Variants in PKHD1 observed in about 807,000 individuals in gnomAD.
The protein encoded by PKHD1 is fibrocystin.
Under a neutral mutation model 412.0 loss-of-function variants are expected in PKHD1, and 291 were observed. The ratio of observed to expected loss-of-function variants is 0.71; its 90% CI spans 0.64 to 0.78. PKHD1 has a LOEUF of 0.78. Ranked by LOEUF, PKHD1 falls within the 30% of genes least tolerant of loss-of-function variation. The pLI is 0.00. For synonymous variants in PKHD1, 1,777 were observed against 1,821.5 expected, an observed-to-expected ratio of 0.98 and a Z score of 0.62; for missense variants, 4,825 against 4,950.7, an observed-to-expected ratio of 0.97 and a Z score of 0.76.
At chr6:52,073,432 T>C (rs375603299) in intron 7 of PKHD1, 31 bp downstream of exon 7, 17 of 1,346,412 alleles carry the variant, frequency 1.3e-5, no homozygotes, top group East Asian at 4.6e-5. Flanking sequence ...TGTATGTAAC[T>C]AGTTAAACAC....
chr6:52,010,421 C>G lies in PKHD1; in HGVS notation c.5639G>C (p.Ser1880Thr). The G allele has an allele frequency of 6.2e-7, 1 of 1,608,926 alleles. No homozygotes were observed. Among genetic ancestry groups the G allele is most frequent in the Non-Finnish European group, 8.5e-7 (1 of 1,175,400 alleles). The change falls in exon 35 of 67, where the codon AGC becomes ACC. Residue 1880 changes from serine to threonine, a missense_variant. Physicochemically the swap from Ser to Thr is moderately conservative, Grantham distance 58. Transcript: ENST00000371117. ...LERDEVLIYN[S>T]SCNITMETEA... Reference sequence around the variant, plus strand: ...AGTTTCCATGGTAATGTTACAGGAGCTATTATAGATGAGAACTTCATCTCT... The same window carrying G: ...AGTTTCCATGGTAATGTTACAGGAGGTATTATAGATGAGAACTTCATCTCT...
At chr6:52,073,589 A>G (rs1484830458) in intron 6 of PKHD1, 48 bp from the exon 7 acceptor site, 4 of 1,058,266 alleles carry the variant, frequency 3.8e-6, no homozygotes, top group Non-Finnish European at 5.9e-6. Flanking sequence ...GCTCAAACTC[A>G]ATGTATAATA....
Position 52,026,046 on chromosome 6 carries a change from G to A in PKHD1, c.3764C>T (p.Pro1255Leu). The change falls in exon 32 of 67, where the codon CCC becomes CTC. Residue 1255 changes from proline to leucine, a missense_variant. Pro to Leu is a moderately conservative substitution (Grantham distance 98, BLOSUM62 -3). Coordinates refer to ENST00000371117, the MANE Select transcript of PKHD1 (RefSeq NM_138694.4). ...ASIWCETLPA[P>L]QIPDAGAPTV... is the part of the protein sequence containing the mutation. ...GGGAGCGCCCGCATCGGGTATCTGG[G>A]GGGCTGGCAGGGTTTCACACCAGAT... is the stretch of plus-strand genomic sequence containing the variant. 1.2e-6 allele frequency: 2 copies of A among 1,614,132 alleles called. No individual in the cohort carries two copies. The highest frequency in any genetic ancestry group is 1.7e-6 in the Non-Finnish European group (2 of 1,180,032).
chr6:51,641,891 G>A (rs1769410412), intron 63 of PKHD1, among the ~76,000 whole-genome samples: 2 of 152,126 alleles, frequency 1.3e-5, no homozygotes, highest in South Asian at 4.1e-4. Context: ...ACTAGGGCCT[G>A]TCAGGGAGTG....
At chr6:51,847,184 C>T (rs9357710) in intron 50 of PKHD1, among the ~76,000 whole-genome samples, 57,394 of 151,418 alleles carry the variant, frequency 0.38, 12,022 homozygotes, top group East Asian at 0.85. Flanking sequence ...TGATATCAAA[C>T]TCCTGGCCTC....
At chr6:51,696,978 C>A (rs1014323957) in intron 60 of PKHD1, among the ~76,000 whole-genome samples, 19 of 152,220 alleles carry the variant, frequency 1.2e-4, no homozygotes, top group African/African-American at 4.6e-4. Flanking sequence ...CACTTGAGGG[C>A]AAGAGTTTGA....
chr6:51,948,816 A>G (rs1266912), intron 36 of PKHD1, among the ~76,000 whole-genome samples: 107,011 of 152,028 alleles, frequency 0.7, 38,181 homozygotes, highest in East Asian at 0.94. Context: ...TCTTGAGAGC[A>G]GATCAAAGAA....
intron 43 of PKHD1, among the ~76,000 whole-genome samples, chr6:51,899,623 C>T (rs1297578012): frequency 1.3e-5 from 2 of 151,102 alleles, no homozygotes; most frequent in Non-Finnish European, 3.0e-5. Context: ...GGGATGCCCT[C>T]TCTCACCACT....
At chr6:51,701,352 T>C (rs1179079927) in intron 60 of PKHD1, among the ~76,000 whole-genome samples, 1 of 152,130 alleles carries the variant, frequency 6.6e-6, no homozygotes, top group Non-Finnish European at 1.5e-5. Flanking sequence ...TGAGTCATTA[T>C]TGCCAGTCAA....
intron 34 of PKHD1, among the ~76,000 whole-genome samples, chr6:52,012,747 T>C (rs1224507818): frequency 6.6e-6 from 1 of 152,168 alleles, no homozygotes; most frequent in African/African-American, 2.4e-5. Context: ...GGAGAAGTGG[T>C]TGGAATAGTT....
chr6:52,080,493 A>G (rs1240314956), intron 4 of PKHD1, among the ~76,000 whole-genome samples: 1 of 152,162 alleles, frequency 6.6e-6, no homozygotes, highest in Non-Finnish European at 1.5e-5. Flanking sequence ...CTCTTTATAC[A>G]AATATTGCAG....
At chr6:51,766,607 G>C (rs1582558008) in intron 55 of PKHD1, among the ~76,000 whole-genome samples, 1 of 121,378 alleles carries the variant, frequency 8.2e-6, no homozygotes, top group East Asian at 2.7e-4. Flanking sequence ...TATGTTTCTG[G>C]TGTATTCATA....
At position 51,799,019 on chromosome 6, in the gene PKHD1, T is replaced by G. The variant is rs184532820; in HGVS notation, c.8303-7646A>C. On this transcript the variant is annotated intron_variant, in intron 52 of 66. Transcript: ENST00000371117. ...TTTCAATTGCCCTACCAACTCCAAA[T>G]GTACCAACAAATTTCCCATGAATCA... Among the ~76,000 whole-genome samples the G allele has an allele frequency of 1.4e-4, 21 of 152,288 alleles. No individual in the cohort carries two copies. In the East Asian group the frequency reaches 3.9e-3, roughly 28 times the overall value.
chr6:51,888,133 G>C (rs919020028), intron 43 of PKHD1, among the ~76,000 whole-genome samples: 6 of 152,344 alleles, frequency 3.9e-5, no homozygotes, highest in African/African-American at 1.4e-4. Flanking sequence ...TCATGACTTA[G>C]TACCAAGACA....
chr6:51,931,340 T>G (rs965743710), intron 37 of PKHD1, among the ~76,000 whole-genome samples: 4 of 152,130 alleles, frequency 2.6e-5, no homozygotes, highest in African/African-American at 7.2e-5. Flanking sequence ...TGCAAAACAG[T>G]GAATCAAGTT....
chr6:51,938,213 CA>C (rs1363216770), intron 36 of PKHD1, among the ~76,000 whole-genome samples: 2 of 152,166 alleles, frequency 1.3e-5, no homozygotes, highest in African/African-American at 4.8e-5. Flanking sequence ...CCAAATACTC[CA>C]ATAGATAACA....
chr6:51,690,896 A>T (rs566845840), intron 60 of PKHD1, among the ~76,000 whole-genome samples: 1 of 152,372 alleles, frequency 6.6e-6, no homozygotes, highest in East Asian at 1.9e-4. Context: ...AATGGGAGAA[A>T]GTTTTTGCAA....
In PKHD1 at chr6:51,775,814, T is replaced by C; in HGVS notation, c.8548A>G (p.Thr2850Ala). ...RMNGIHIDPG[T>A]IGVYGKVHLY... is the part of the protein sequence containing the mutation. ...AACTATATTATACTCTTACCAATTGTTCCTGGGTCAATATGAATTCCATTC... is the reference window on the plus strand; with the variant it reads ...AACTATATTATACTCTTACCAATTGCTCCTGGGTCAATATGAATTCCATTC... The change falls in exon 54 of 67, where the codon ACA becomes GCA. Residue 2850 changes from threonine to alanine, a missense_variant. Coordinates refer to ENST00000371117, the MANE Select transcript of PKHD1 (RefSeq NM_138694.4). 2 of 1,425,506 alleles carry C rather than the reference T, an allele frequency of 1.4e-6. No homozygotes were observed. Among genetic ancestry groups the C allele is most frequent in the Non-Finnish European group, 2.0e-6 (2 of 1,009,966 alleles). The allele number at this position is 1,425,506 out of a possible 1,614,324, so 88.3% of individuals were successfully genotyped here.
intron 57 of PKHD1, among the ~76,000 whole-genome samples, chr6:51,751,181 T>G (rs759990255): frequency 4.6e-5 from 7 of 152,206 alleles, no homozygotes; most frequent in Non-Finnish European, 8.8e-5. Context: ...CTGGGTATTA[T>G]TCAGGAAGAG....
Sources: allele counts gnomAD v4.1 joint callset (sites outside exome capture counted in the v4.1 genomes callset), GRCh38; gene constraint gnomAD v4.1.1; transcripts MANE v1.5; gene names NCBI Gene and HGNC (gene_info 2026-07-23, HGNC 2026-07-21).